CUBN: variants seen among roughly 807,000 people sequenced by gnomAD.
CUBN encodes the protein cubilin.
In CUBN, 282 loss-of-function variants were observed where a neutral mutation model predicts 405.3. The ratio of observed to expected loss-of-function variants is 0.70; its 90% CI spans 0.63 to 0.77. The LOEUF (loss-of-function observed/expected upper bound fraction) is 0.77. Ranked by LOEUF, CUBN falls within the 30% of genes least tolerant of loss-of-function variation. CUBN has a pLI of 0.00. For synonymous variants in CUBN, 1,684 were observed against 1,617.0 expected (o/e 1.04, Z -0.99); for missense variants, 4,514 against 4,475.2 (o/e 1.01, Z -0.25).
At chr10:16,905,138 T>C (rs1252982631) in intron 50 of CUBN, among the ~76,000 whole-genome samples, 1 of 152,204 alleles carries the variant, frequency 6.6e-6, no homozygotes, top group Non-Finnish European at 1.5e-5. Flanking sequence ...AATTTTGGGA[T>C]TACACAGAAC....
chr10:16,854,812 C>G (rs1839820452), intron 59 of CUBN, among the ~76,000 whole-genome samples: 1 of 152,122 alleles, frequency 6.6e-6, no homozygotes, highest in African/African-American at 2.4e-5. Context: ...CATAAAGCAG[C>G]ACACCCACAT....
intron 14 of CUBN, among the ~76,000 whole-genome samples, chr10:17,090,112 A>T (rs547073204): frequency 1.3e-5 from 2 of 152,168 alleles, no homozygotes; most frequent in East Asian, 3.9e-4. Context: ...CTAAAAAGAA[A>T]ATGGCCAAAG....
chr10:16,877,462 T>A (rs892699038), intron 56 of CUBN, among the ~76,000 whole-genome samples: 1 of 151,880 alleles, frequency 6.6e-6, no homozygotes, highest in Non-Finnish European at 1.5e-5. Context: ...TAGAGTGGAG[T>A]AGAGACCAGG....
At chr10:16,973,072 A>C (rs533143459) in intron 31 of CUBN, among the ~76,000 whole-genome samples, 136 of 152,274 alleles carry the variant, frequency 8.9e-4, no homozygotes, top group Non-Finnish European at 1.5e-3. Context: ...CTATAGGATA[A>C]TTTCAAATTC....
intron 56 of CUBN, among the ~76,000 whole-genome samples, chr10:16,884,255 T>C (rs1001831142): frequency 1.3e-5 from 2 of 152,232 alleles, no homozygotes; most frequent in African/African-American, 4.8e-5. Flanking sequence ...GTGGGGGAAT[T>C]ACAGGCGTGA....
At chr10:16,972,691 G>A (rs55725648) in intron 31 of CUBN, among the ~76,000 whole-genome samples, 43,281 of 151,684 alleles carry the variant, frequency 0.29, 6,356 homozygotes, top group African/African-American at 0.34. Context: ...CTCCCAAAGT[G>A]CTGGAATTAC....
intron 54 of CUBN, among the ~76,000 whole-genome samples, chr10:16,892,871 T>C (rs988737297): frequency 6.6e-6 from 1 of 152,250 alleles, no homozygotes; most frequent in African/African-American, 2.4e-5. Flanking sequence ...CCTCAAGTTC[T>C]TTAATGAAGG....
At chr10:16,916,108 T>A in intron 45 of CUBN, 78 bp from the exon 46 acceptor site, 3 of 1,436,474 alleles carry the variant, frequency 2.1e-6, no homozygotes, top group South Asian at 2.5e-5. Flanking sequence ...AATTTTGTTT[T>A]CTTCATTTCA....
intron 54 of CUBN, among the ~76,000 whole-genome samples, chr10:16,896,087 C>T (rs1007136022): frequency 2.0e-5 from 3 of 152,174 alleles, no homozygotes; most frequent in African/African-American, 7.2e-5. Context: ...CCACCATCCA[C>T]ATCTGACCAC....
chr10:16,836,141 A>C lies in CUBN; in HGVS notation c.10180+94T>G, dbSNP rs372256335. ...TTTGTTAACAAATCCTAATTTACTCACAGGAGTCAATTCTAGAAATAATTG... is the reference window on the plus strand; with the variant it reads ...TTTGTTAACAAATCCTAATTTACTCCCAGGAGTCAATTCTAGAAATAATTG... On this transcript the variant is annotated intron_variant, in intron 63 of 66. Coordinates refer to ENST00000377833, the MANE Select transcript of CUBN (RefSeq NM_001081.4). 77 of 1,232,374 alleles carry C rather than the reference A, an allele frequency of 6.2e-5. No homozygotes were observed. In the East Asian group the frequency reaches 1.2e-3, roughly 20 times the overall value. The allele number at this position is 1,232,374 out of a possible 1,614,324, so 76.3% of individuals were successfully genotyped here.
chr10:16,884,180 C>T (rs1840744584), intron 56 of CUBN, among the ~76,000 whole-genome samples: 1 of 152,096 alleles, frequency 6.6e-6, no homozygotes, highest in South Asian at 2.1e-4. Context: ...GACAAGGTTT[C>T]ACCGTGTTAG....
chr10:16,902,348 G>A (rs1202957293), intron 51 of CUBN, among the ~76,000 whole-genome samples: 2 of 142,134 alleles, frequency 1.4e-5, no homozygotes, highest in Non-Finnish European at 3.0e-5. Context: ...ATTTTTTTGT[G>A]TATGTATATT....
At chr10:17,089,843 G>A (rs181411566) in intron 14 of CUBN, among the ~76,000 whole-genome samples, 41 of 152,294 alleles carry the variant, frequency 2.7e-4, no homozygotes, top group African/African-American at 9.1e-4. Context: ...TTGGAAACAA[G>A]ACTGGGTGTG....
At chr10:16,840,850 T>C (rs771551410) in intron 61 of CUBN, 35 bp downstream of exon 61, 1 of 1,555,704 alleles carries the variant, frequency 6.4e-7, no homozygotes, top group Admixed American at 1.7e-5. Context: ...TACATGTGTA[T>C]TTCATAACAT....
chr10:16,851,647 T>A (rs1379627928), intron 59 of CUBN, among the ~76,000 whole-genome samples: 1 of 93,382 alleles, frequency 1.1e-5, no homozygotes, highest in Non-Finnish European at 2.0e-5. Context: ...CATCTCTCCC[T>A]CCTTCCCTCC....
intron 41 of CUBN, among the ~76,000 whole-genome samples, chr10:16,926,265 G>C (rs1320324205): frequency 6.6e-6 from 1 of 152,170 alleles, no homozygotes; most frequent in Non-Finnish European, 1.5e-5. Context: ...GTAAAGGCTT[G>C]ATGTGTTAGA....
At chr10:16,831,592 G>A (rs1838996837) in intron 64 of CUBN, among the ~76,000 whole-genome samples, 175 bp from the exon 65 acceptor site, 1 of 152,204 alleles carries the variant, frequency 6.6e-6, no homozygotes, top group Non-Finnish European at 1.5e-5. Context: ...TTGCAAAGGG[G>A]AAAAATGTTC....
intron 18 of CUBN, 80 bp downstream of exon 18, chr10:17,071,747 T>C (rs1307262756): frequency 1.3e-5 from 20 of 1,539,476 alleles, no homozygotes; most frequent in Non-Finnish European, 6.3e-6. Flanking sequence ...CTTGAGGACA[T>C]AAAATGACTA....
intron 54 of CUBN, among the ~76,000 whole-genome samples, chr10:16,894,508 A>G (rs373795645): frequency 1.2e-4 from 19 of 152,296 alleles, no homozygotes; most frequent in African/African-American, 2.4e-4. Flanking sequence ...TCAAAAATCA[A>G]TTGAGGATGT....
Sources: gnomAD v4.1 joint callset for allele counts (sites outside exome capture counted in the v4.1 genomes callset) on GRCh38, gnomAD v4.1.1 for gene constraint, MANE v1.5 for transcripts, NCBI Gene and HGNC (gene_info 2026-07-23, HGNC 2026-07-21) for gene names.